The following SAG variants were observed in gnomAD, a reference collection of about 807,000 sequenced individuals.
SAG encodes S-antigen visual arrestin, also known as S-arrestin.
SAG carries 45 observed loss-of-function variants against 55.0 expected under a neutral mutation model. The observed-to-expected ratio is 0.82, with a 90% CI of 0.64 to 1.05. The LOEUF is 1.05. Ranked by LOEUF, SAG falls within the 50% of genes least tolerant of loss-of-function variation. The probability of loss-of-function intolerance (pLI) is 0.00; values close to 1 mark genes in which losing one functional copy is unlikely to be tolerated. For missense variants in SAG, 455 were observed against 512.1 expected (o/e 0.89, Z 1.08); for synonymous variants, 189 against 197.4 (o/e 0.96, Z 0.36).
Position 233,314,820 on chromosome 2 carries a change from C to T in SAG, c.76-1255C>T, listed in dbSNP as rs535283174. Among the ~76,000 whole-genome samples the T allele has an allele frequency of 5.8e-4, 88 of 152,082 alleles. 1 individual carries two copies. Among genetic ancestry groups the T allele is most frequent in the Non-Finnish European group, 1.1e-3 (73 of 68,026 alleles). ...ACATCTGATATGGGTGAAAGGGGAG[C>T]GTATAGGAGAGGACTTAATGCCAAC... On this transcript the variant is annotated intron_variant, in intron 2 of 15. Transcript: ENST00000409110.
intron 12 of SAG, 45 bp downstream of exon 12, chr2:233,338,798 T>C (rs1574952644): frequency 1.3e-6 from 2 of 1,523,072 alleles, no homozygotes; most frequent in Non-Finnish European, 1.8e-6. Flanking sequence ...GTCCTGGTCT[T>C]AGATGGTCTG....
rs371913749 is a variant in SAG at position 233,327,076 on chromosome 2, G to C, written c.436-45G>C. The stretch of plus-strand genomic sequence containing the variant: ...GTGGCCCTCTGGCCCGGCACCCAGG[G>C]AGGGAGTCGCTGATCGCTGCCTGTC... On this transcript the variant is annotated intron_variant, in intron 6 of 15. Coordinates refer to ENST00000409110, the MANE Select transcript of SAG (RefSeq NM_000541.5). 3.3e-6 allele frequency: 5 copies of C among 1,503,424 alleles called. No individual in the cohort carries two copies. In the Admixed American group the frequency reaches 8.4e-5, roughly 25 times the overall value. 93.1% of individuals were successfully genotyped at this position (1,503,424 alleles called of 1,614,324 possible).
chr2:233,324,171 C>T (rs774158070), intron 6 of SAG, among the ~76,000 whole-genome samples: 10 of 151,940 alleles, frequency 6.6e-5, no homozygotes, highest in Non-Finnish European at 1.2e-4. Flanking sequence ...CTGAGGTGGG[C>T]GGATCAACCC....
intron 4 of SAG, 159 bp downstream of exon 4, chr2:233,318,954 G>T: frequency 1.3e-6 from 1 of 748,830 alleles, no homozygotes; most frequent in East Asian, 2.5e-5. Flanking sequence ...CCACACTCCT[G>T]TACCTAATTC....
intron 6 of SAG, among the ~76,000 whole-genome samples, chr2:233,326,167 C>A (rs1360239266): frequency 6.6e-6 from 1 of 152,198 alleles, no homozygotes; most frequent in Non-Finnish European, 1.5e-5. Context: ...GGGCTTCACA[C>A]ACTGGGAATC....
intron 3 of SAG, among the ~76,000 whole-genome samples, chr2:233,317,883 G>A (rs1455109334): frequency 6.6e-6 from 1 of 152,180 alleles, no homozygotes; most frequent in Non-Finnish European, 1.5e-5. Context: ...ATTGAGTGAG[G>A]AAAGCAGTTA....
intron 7 of SAG, chr2:233,328,021 T>A (rs1195659974): frequency 6.5e-6 from 1 of 154,576 alleles, no homozygotes; most frequent in Non-Finnish European, 1.4e-5. Flanking sequence ...TGCTGTTTTT[T>A]TTTTACCTAA....
chr2:233,331,065 C>G (rs925959557), intron 9 of SAG, among the ~76,000 whole-genome samples: 2 of 152,032 alleles, frequency 1.3e-5, no homozygotes, highest in African/African-American at 4.8e-5. Flanking sequence ...AAAAAATCCT[C>G]AAGCTTAATT....
At chr2:233,334,861 A>G in intron 10 of SAG, 101 bp from the exon 11 acceptor site, 2 of 1,402,856 alleles carry the variant, frequency 1.4e-6, no homozygotes, top group South Asian at 1.2e-5. Flanking sequence ...GAGGTCCATC[A>G]GGGGATGTGG....
rs1044950174 is a variant in SAG at position 233,340,578 on chromosome 2, C to T, written c.1046+100C>T. 4.5e-6 allele frequency: 4 copies of T among 883,254 alleles called. No individual in the cohort carries two copies. In the African/African-American group the frequency reaches 5.0e-5, roughly 11 times the overall value. 54.7% of individuals were successfully genotyped at this position (883,254 alleles called of 1,614,324 possible). The stretch of plus-strand genomic sequence containing the variant: ...TTTCTGATGAAAGCTGCTTTCTGGA[C>T]AGTTGTGCTCAGAGGTGTTAGGAAT... On this transcript the variant is annotated intron_variant, in intron 13 of 15. Transcript: ENST00000409110. This position sits in a 1 kb window ranked among gnomAD's most constrained non-coding sequence, Gnocchi z 4.2.
intron 3 of SAG, among the ~76,000 whole-genome samples, chr2:233,316,872 G>A (rs546320963): frequency 1.3e-5 from 2 of 152,238 alleles, no homozygotes; most frequent in African/African-American, 4.8e-5. Flanking sequence ...AATATTTTAG[G>A]TTGGTGCAAA....
chr2:233,320,617 A>T lies in SAG; in HGVS notation c.182-13A>T, dbSNP rs201375215. On this transcript the variant is annotated splice_polypyrimidine_tract_variant and intron_variant, in intron 4 of 15. Transcript: ENST00000409110. ...GAGGGCCAAGTCCGACCCTGCCTTC[A>T]TCTCCCTTGCAGTGTATGTCACTCT... 1 of 1,563,354 alleles carries T rather than the reference A, an allele frequency of 6.4e-7. No homozygotes were observed. Among genetic ancestry groups the T allele is most frequent in the Admixed American group, 2.0e-5 (1 of 49,600 alleles).
At chr2:233,334,898 A>G in intron 10 of SAG, 64 bp from the exon 11 acceptor site, 2 of 1,581,266 alleles carry the variant, frequency 1.3e-6, no homozygotes, top group South Asian at 1.1e-5. Flanking sequence ...AATGTCAAAT[A>G]GGGGCTCATG....
At chr2:233,336,647 A>G (rs1361809491) in intron 11 of SAG, among the ~76,000 whole-genome samples, 1 of 152,222 alleles carries the variant, frequency 6.6e-6, no homozygotes, top group East Asian at 1.9e-4. Context: ...GACTTATCCA[A>G]GGTCACTGAA....
intron 6 of SAG, 83 bp from the exon 7 acceptor site, chr2:233,327,038 C>T: frequency 2.0e-6 from 2 of 989,650 alleles, no homozygotes; most frequent in Non-Finnish European, 3.2e-6. Flanking sequence ...ACATCATGTG[C>T]CCTGTGTGAG....
chr2:233,338,510 C>T lies in SAG; in HGVS notation c.945-166C>T, dbSNP rs1701005954. 9.4e-6 allele frequency: 6 copies of T among 641,230 alleles called. No homozygotes were observed. In the South Asian group the frequency reaches 1.1e-4, roughly 12 times the overall value. The allele number at this position is 641,230 out of a possible 1,614,324, so 39.7% of individuals were successfully genotyped here. ...CAGTGCGTGCAAGGAGTCCCCATAC[C>T]CACTCCCCAAGTACATGAACTTCTA... On this transcript the variant is annotated intron_variant, in intron 11 of 15. Coordinates refer to ENST00000409110, the MANE Select transcript of SAG (RefSeq NM_000541.5).
intron 8 of SAG, 176 bp downstream of exon 8, chr2:233,328,789 G>T: frequency 1.5e-6 from 1 of 654,154 alleles, no homozygotes; most frequent in South Asian, 2.4e-5. Flanking sequence ...CCTGGAGCTG[G>T]TCAGCATGGT....
intron 3 of SAG, among the ~76,000 whole-genome samples, chr2:233,317,035 T>C (rs60491550): frequency 0.16 from 24,673 of 152,118 alleles, 2,355 homozygotes; most frequent in African/African-American, 0.26. Flanking sequence ...CTAATTTTTG[T>C]ATTTTTTGCA....
chr2:233,342,072 C>T (rs990503280), intron 13 of SAG, among the ~76,000 whole-genome samples, 199 bp from the exon 14 acceptor site: 5 of 149,460 alleles, frequency 3.3e-5, no homozygotes, highest in Admixed American at 1.3e-4. Flanking sequence ...TGCAGTGAGC[C>T]GAGATTGCGC....
Sources: gnomAD v4.1 joint callset for allele counts (sites outside exome capture counted in the v4.1 genomes callset) on GRCh38, gnomAD v4.1.1 for gene constraint, Gnocchi (gnomAD v3.1) non-coding constraint, MANE v1.5 for transcripts, NCBI Gene and HGNC (gene_info 2026-07-23, HGNC 2026-07-21) for gene names.